SLCO5A1: variants seen among roughly 807,000 people sequenced by gnomAD.
SLCO5A1 encodes the protein solute carrier organic anion transporter family member 5A1.
In SLCO5A1, 39 loss-of-function variants were observed where a neutral mutation model predicts 65.1. The ratio of observed to expected loss-of-function variants is 0.60; its 90% CI spans 0.46 to 0.78. The LOEUF (loss-of-function observed/expected upper bound fraction) is 0.78. Among genes scored for constraint, SLCO5A1 ranks in the 30% least tolerant of loss-of-function variants. The pLI, the probability that SLCO5A1 is intolerant of heterozygous loss-of-function variation, is 0.00. For missense variants in SLCO5A1, 1,029 were observed against 1,069.4 expected, an observed-to-expected ratio of 0.96 and a Z score of 0.53; for synonymous variants, 438 against 415.7, an observed-to-expected ratio of 1.05 and a Z score of -0.65.
intron 5 of SLCO5A1, among the ~76,000 whole-genome samples, chr8:69,708,081 C>T (rs558079591): frequency 3.9e-5 from 6 of 152,166 alleles, no homozygotes; most frequent in African/African-American, 9.6e-5. Context: ...CGGATGAGTG[C>T]CAATGTTAAT....
chr8:69,762,299 G>A (rs1467015547), intron 2 of SLCO5A1, among the ~76,000 whole-genome samples: 1 of 151,828 alleles, frequency 6.6e-6, no homozygotes. Flanking sequence ...CCATTCTCCT[G>A]CCTCAGCCTC....
chr8:69,796,755 G>A lies in SLCO5A1; in HGVS notation c.908-34880C>T, dbSNP rs142397081. Among the ~76,000 whole-genome samples the A allele has an allele frequency of 3.7e-3, 560 of 151,788 alleles. 3 individuals are homozygous for A. The highest frequency in any genetic ancestry group is 0.013 in the African/African-American group (522 of 41,344). ...TTGCTCATACATATGAGCATAAAAT[G>A]TTAGAAGCAGCCAGGCCATATCTTG... On this transcript the variant is annotated intron_variant, in intron 2 of 9. Coordinates refer to ENST00000260126, the MANE Select transcript of SLCO5A1 (RefSeq NM_030958.3).
chr8:69,698,218 G>A (rs1478869502), intron 6 of SLCO5A1, among the ~76,000 whole-genome samples: 2 of 152,040 alleles, frequency 1.3e-5, no homozygotes, highest in Non-Finnish European at 2.9e-5. Context: ...AGTATTTCGT[G>A]GTGTGTATAT....
intron 6 of SLCO5A1, among the ~76,000 whole-genome samples, chr8:69,686,453 G>A (rs559408218): frequency 3.3e-5 from 5 of 152,106 alleles, no homozygotes; most frequent in South Asian, 2.1e-4. Context: ...TATTATCATC[G>A]TCATAATCAT....
rs1813265685 is a variant in SLCO5A1 at position 69,669,285 on chromosome 8, A to C, written c.*3584T>G. Reference sequence around the variant, plus strand: ...TACAGTTTTTTTTATTTACACAAAAAAACCTCTCTACTCTTCATAAACGGT... The same window carrying C: ...TACAGTTTTTTTTATTTACACAAAACAACCTCTCTACTCTTCATAAACGGT... On this transcript the variant is annotated 3_prime_UTR_variant, in exon 10 of 10. Coordinates refer to ENST00000260126, the MANE Select transcript of SLCO5A1 (RefSeq NM_030958.3). The C allele has an allele frequency of 6.6e-6, 1 of 152,174 alleles. No individual in the cohort carries two copies. Among genetic ancestry groups the C allele is most frequent in the Non-Finnish European group, 1.5e-5 (1 of 68,034 alleles). The allele number at this position is 152,174 out of a possible 1,614,324, so 9.4% of individuals were successfully genotyped here.
At chr8:69,693,092 C>T (rs1385501365) in intron 6 of SLCO5A1, among the ~76,000 whole-genome samples, 2 of 152,166 alleles carry the variant, frequency 1.3e-5, no homozygotes, top group Non-Finnish European at 2.9e-5. Context: ...TATCATTAGG[C>T]AATAGGAATT....
At chr8:69,699,762 A>C (rs1390235009) in intron 6 of SLCO5A1, among the ~76,000 whole-genome samples, 1 of 152,210 alleles carries the variant, frequency 6.6e-6, no homozygotes, top group Non-Finnish European at 1.5e-5. Context: ...AAAATATTCC[A>C]CTCATAAAGC....
At chr8:69,773,410 T>C (rs1244326986) in intron 2 of SLCO5A1, among the ~76,000 whole-genome samples, 1 of 152,080 alleles carries the variant, frequency 6.6e-6, no homozygotes, top group African/African-American at 2.4e-5. Context: ...CATCCTCGGG[T>C]CTCCTGAACA....
intron 6 of SLCO5A1, among the ~76,000 whole-genome samples, chr8:69,698,325 A>C (rs1306205228): frequency 6.6e-6 from 1 of 152,166 alleles, no homozygotes; most frequent in Admixed American, 6.5e-5. Flanking sequence ...ATATGTGTGC[A>C]TGTGTCTTTA....
chr8:69,698,378 G>A (rs1472843030), intron 6 of SLCO5A1, among the ~76,000 whole-genome samples: 1 of 152,166 alleles, frequency 6.6e-6, no homozygotes, highest in African/African-American at 2.4e-5. Context: ...AACCAGTAAT[G>A]GGATTGCTGG....
At chr8:69,823,690 C>T (rs1451096128) in intron 2 of SLCO5A1, among the ~76,000 whole-genome samples, 1 of 152,106 alleles carries the variant, frequency 6.6e-6, no homozygotes, top group Non-Finnish European at 1.5e-5. Context: ...GACTTTAACA[C>T]CCCACTGTCA....
At chr8:69,709,966 T>C (rs2933046) in intron 5 of SLCO5A1, among the ~76,000 whole-genome samples, 90,297 of 150,526 alleles carry the variant, frequency 0.6, 27,273 homozygotes, top group South Asian at 0.72. Flanking sequence ...TTTTGCCTGG[T>C]AGCTAGTGTT....
At chr8:69,762,244 T>C (rs1817829834) in intron 2 of SLCO5A1, among the ~76,000 whole-genome samples, 1 of 151,590 alleles carries the variant, frequency 6.6e-6, no homozygotes, top group South Asian at 2.1e-4. Context: ...TGGAGTGCAG[T>C]GGCGTGATCT....
At chr8:69,818,435 A>G (rs143660843) in intron 2 of SLCO5A1, among the ~76,000 whole-genome samples, 1 of 152,242 alleles carries the variant, frequency 6.6e-6, no homozygotes, top group African/African-American at 2.4e-5. Flanking sequence ...CAGAATCTGC[A>G]TCTTGACAAG....
At chr8:69,798,082 C>T (rs567898010) in intron 2 of SLCO5A1, among the ~76,000 whole-genome samples, 1 of 152,248 alleles carries the variant, frequency 6.6e-6, no homozygotes, top group East Asian at 1.9e-4. Context: ...CTTCTCAGAC[C>T]AGCCGACACT....
At chr8:69,742,586 T>G (rs1415224701) in intron 4 of SLCO5A1, among the ~76,000 whole-genome samples, 1 of 152,038 alleles carries the variant, frequency 6.6e-6, no homozygotes, top group African/African-American at 2.4e-5. Flanking sequence ...TTAAAAGAAG[T>G]GTTAATAGCA....
chr8:69,827,369 C>T (rs1351010939), intron 2 of SLCO5A1, among the ~76,000 whole-genome samples: 3 of 152,124 alleles, frequency 2.0e-5, no homozygotes, highest in African/African-American at 7.2e-5. Flanking sequence ...ACCTACAAAG[C>T]TTTCTCTATG....
intron 7 of SLCO5A1, among the ~76,000 whole-genome samples, chr8:69,681,222 C>T (rs1214117067): frequency 6.6e-6 from 1 of 152,196 alleles, no homozygotes; most frequent in Non-Finnish European, 1.5e-5. Context: ...ACAGAACAAG[C>T]ACATGCATTT....
At chr8:69,675,471 C>T (rs1284565202) in intron 9 of SLCO5A1, among the ~76,000 whole-genome samples, 2 of 152,100 alleles carry the variant, frequency 1.3e-5, no homozygotes, top group African/African-American at 4.8e-5. Flanking sequence ...CCACTGCACC[C>T]GGCCTAAGGC....
Sources: allele counts gnomAD v4.1 joint callset (sites outside exome capture counted in the v4.1 genomes callset), GRCh38; gene constraint gnomAD v4.1.1; transcripts MANE v1.5; gene names NCBI Gene and HGNC (gene_info 2026-07-23, HGNC 2026-07-21).